The following KCNK10 variants were observed in gnomAD, a reference collection of about 807,000 sequenced individuals.
KCNK10 encodes potassium channel subfamily K member 10.
A neutral mutation model predicts 47.7 loss-of-function variants in KCNK10; 25 were observed. The observed-to-expected ratio is 0.52, with a 90% CI of 0.38 to 0.73. The LOEUF (loss-of-function observed/expected upper bound fraction) is 0.73, where lower values mean the gene tolerates loss of function less well. Ranked by LOEUF, KCNK10 falls within the 30% of genes least tolerant of loss-of-function variation. The pLI is 0.00. For synonymous variants in KCNK10, 303 were observed against 285.6 expected, an observed-to-expected ratio of 1.06 and a Z score of -0.61; for missense variants, 563 against 714.5, an observed-to-expected ratio of 0.79 and a Z score of 2.42.
chr14:88,310,879 G>A (rs114094478), intron 1 of KCNK10, among the ~76,000 whole-genome samples: 1,709 of 152,274 alleles, frequency 0.011, 43 homozygotes, highest in African/African-American at 0.039. Flanking sequence ...CTTCCAAAAG[G>A]CGTCTGAAGT....
At chr14:88,208,846 G>A (rs1345478309) in intron 4 of KCNK10, among the ~76,000 whole-genome samples, 1 of 152,142 alleles carries the variant, frequency 6.6e-6, no homozygotes, top group South Asian at 2.1e-4. Context: ...CGAGATGCCC[G>A]ATACACCCAT....
intron 1 of KCNK10, among the ~76,000 whole-genome samples, chr14:88,269,647 G>A (rs896129295): frequency 1.3e-5 from 2 of 152,090 alleles, no homozygotes; most frequent in African/African-American, 4.8e-5. Context: ...ACATTGTCCA[G>A]GCTGGTCTCA....
At chr14:88,324,453 T>C (rs578196352), upstream of KCNK10, among the ~76,000 whole-genome samples, 138 of 152,280 alleles carry the variant, frequency 9.1e-4, 1 homozygote, top group African/African-American at 3.2e-3. Flanking sequence ...TGCTGCAGTG[T>C]TGGATAGGAA....
chr14:88,224,019 TAAA>T (rs5810403), intron 4 of KCNK10, among the ~76,000 whole-genome samples: 19 of 146,604 alleles, frequency 1.3e-4, no homozygotes, highest in African/African-American at 1.5e-4. Flanking sequence ...CATCTCCACT[TAAA>T]AAAAAAAAAA....
chr14:88,278,778 G>A (rs969163446), intron 1 of KCNK10, among the ~76,000 whole-genome samples: 6 of 152,182 alleles, frequency 3.9e-5, no homozygotes, highest in East Asian at 1.9e-4. Context: ...CAGTCTTGTG[G>A]TTATGTTTCC....
rs1316092547 is a variant in KCNK10 at position 88,267,287 on chromosome 14, GT to G, written c.53-3737del. ...CATTTCACTAAAAAGGGACTTGGTTGTTTTGGCAAAGAAGACTGCACATCTC... is the reference window on the plus strand; with the variant it reads ...CATTTCACTAAAAAGGGACTTGGTTGTTTGGCAAAGAAGACTGCACATCTC... On this transcript the variant is annotated intron_variant, in intron 1 of 6. Coordinates refer to ENST00000319231, the MANE Select transcript of KCNK10 (RefSeq NM_138317.3). Among the ~76,000 whole-genome samples, 7 of 152,222 alleles carry G rather than the reference GT, an allele frequency of 4.6e-5. No homozygotes were observed. In the South Asian group the frequency reaches 1.5e-3, roughly 32 times the overall value.
rs1435749396 is a variant in KCNK10 at position 88,263,553 on chromosome 14, T to C, written c.53-2A>G. 4.4e-6 allele frequency: 7 copies of C among 1,608,268 alleles called. No homozygotes were observed. The highest frequency in any genetic ancestry group is 5.9e-6 in the Non-Finnish European group (7 of 1,178,680). ...CCGGTGCTGCTGCGGGAACGGCCAC[T>C]GAGGAGTCAGGGTGGGGGACAAAGA... On this transcript the variant is annotated splice_acceptor_variant, in intron 1 of 6. Transcript: ENST00000319231. LOFTEE classifies it high-confidence loss of function.
intron 2 of KCNK10, among the ~76,000 whole-genome samples, chr14:88,257,034 G>T (rs1347585139): frequency 6.6e-6 from 1 of 152,194 alleles, no homozygotes; most frequent in Non-Finnish European, 1.5e-5. Flanking sequence ...TACAGGCCAT[G>T]CAGGGATATG....
chr14:88,296,693 A>G (rs577376874), intron 1 of KCNK10, among the ~76,000 whole-genome samples: 137 of 152,206 alleles, frequency 9.0e-4, no homozygotes, highest in Middle Eastern at 3.4e-3. Context: ...CATGGCTTGA[A>G]CCCACTGGGC....
upstream of KCNK10, chr14:88,326,763 G>A (rs953620674): frequency 1.7e-5 from 6 of 355,136 alleles, no homozygotes; most frequent in Non-Finnish European, 2.5e-5. Flanking sequence ...AATGAATGCC[G>A]TGTGGCCCGG....
chr14:88,326,452 A>G (rs778256827), upstream of KCNK10: 1 of 1,613,244 alleles, frequency 6.2e-7, no homozygotes, highest in South Asian at 1.1e-5. Context: ...TAGAGAAAAA[A>G]CATCCAAGAA....
At chr14:88,262,470 C>T (rs527469862) in intron 2 of KCNK10, among the ~76,000 whole-genome samples, 88 of 152,288 alleles carry the variant, frequency 5.8e-4, no homozygotes, top group African/African-American at 2.0e-3. Flanking sequence ...GACTCTCTGG[C>T]TTTCCTATAG....
intron 4 of KCNK10, among the ~76,000 whole-genome samples, chr14:88,226,450 T>C (rs893245585): frequency 1.1e-4 from 16 of 152,182 alleles, no homozygotes; most frequent in African/African-American, 2.4e-5. Flanking sequence ...TTGGCCACCA[T>C]TCCTAGATCC....
intron 4 of KCNK10, among the ~76,000 whole-genome samples, chr14:88,209,250 T>C (rs1433758264): frequency 6.6e-6 from 1 of 152,210 alleles, no homozygotes; most frequent in Non-Finnish European, 1.5e-5. Context: ...CTGGCCCTTG[T>C]TTTCAAGATC....
chr14:88,194,107 C>T (rs1244018821), intron 4 of KCNK10, among the ~76,000 whole-genome samples: 2 of 152,150 alleles, frequency 1.3e-5, no homozygotes, highest in East Asian at 3.9e-4. Context: ...TAGAAACCCT[C>T]CTAATCTCCT....
intron 5 of KCNK10, among the ~76,000 whole-genome samples, chr14:88,189,597 C>T (rs1375872108): frequency 1.3e-5 from 2 of 152,174 alleles, no homozygotes; most frequent in Admixed American, 6.5e-5. Context: ...TTATGAGCTG[C>T]TTATCTGGAT....
At chr14:88,299,489 T>G (rs7149354) in intron 1 of KCNK10, among the ~76,000 whole-genome samples, 102,792 of 152,104 alleles carry the variant, frequency 0.68, 35,086 homozygotes, top group South Asian at 0.75. Flanking sequence ...AATAAATGTA[T>G]CTGGCTCCTA....
At chr14:88,262,567 C>T (rs1446929120) in intron 2 of KCNK10, among the ~76,000 whole-genome samples, 1 of 152,332 alleles carries the variant, frequency 6.6e-6, no homozygotes, top group Non-Finnish European at 1.5e-5. Flanking sequence ...AGTTCAAGTT[C>T]TCTGCTTCCA....
upstream of KCNK10, among the ~76,000 whole-genome samples, chr14:88,325,578 A>G (rs1888643920): frequency 6.6e-6 from 1 of 152,174 alleles, no homozygotes; most frequent in Non-Finnish European, 1.5e-5. Flanking sequence ...TCCATGCCAG[A>G]ACCTTGTGAG....
Sources: gnomAD v4.1 joint callset for allele counts (sites outside exome capture counted in the v4.1 genomes callset) on GRCh38, gnomAD v4.1.1 for gene constraint, MANE v1.5 for transcripts, NCBI Gene and HGNC (gene_info 2026-07-23, HGNC 2026-07-21) for gene names.